The following GALNT11 variants were observed in gnomAD, a reference collection of about 807,000 sequenced individuals.
GALNT11 encodes the protein UDP-GalNAc:polypeptide N-acetylgalactosaminyltransferase 11.
Under a neutral mutation model 72.7 loss-of-function variants are expected in GALNT11, and 47 were observed. The observed-to-expected ratio is 0.65, with a 90% CI of 0.51 to 0.82. The LOEUF is 0.82. Ranked by LOEUF, GALNT11 falls within the 40% of genes least tolerant of loss-of-function variation. GALNT11 has a pLI of 0.00. For missense variants in GALNT11, 677 were observed against 778.4 expected (o/e 0.87, Z 1.55); for synonymous variants, 270 against 286.6 (o/e 0.94, Z 0.58).
intron 4 of GALNT11, 53 bp from the exon 5 acceptor site, chr7:152,105,192 T>C: frequency 6.4e-7 from 1 of 1,557,002 alleles, no homozygotes; most frequent in Non-Finnish European, 8.7e-7. Context: ...AGCTGTAAAG[T>C]GTCTTTATAT....
chr7:152,049,156 T>G (rs1230978631), intron 1 of GALNT11, among the ~76,000 whole-genome samples: 1 of 152,174 alleles, frequency 6.6e-6, no homozygotes, highest in Non-Finnish European at 1.5e-5. Flanking sequence ...GAGGTCATGT[T>G]TTCCGGAATC....
At chr7:152,110,228 AGATTG>A (rs1446792477) in intron 6 of GALNT11, among the ~76,000 whole-genome samples, 1 of 152,148 alleles carries the variant, frequency 6.6e-6, no homozygotes, top group African/African-American at 2.4e-5. Context: ...AGGCTCTGTG[AGATTG>A]TCAGAAGGAA....
chr7:152,026,332 A>T (rs1166423073), intron 1 of GALNT11, among the ~76,000 whole-genome samples: 5 of 152,234 alleles, frequency 3.3e-5, no homozygotes, highest in Admixed American at 6.5e-5. Flanking sequence ...CACTAAGCCA[A>T]AGTCAAGCTG....
intron 1 of GALNT11, among the ~76,000 whole-genome samples, chr7:152,037,348 T>C (rs1372427217): frequency 6.6e-6 from 1 of 152,232 alleles, no homozygotes; most frequent in Non-Finnish European, 1.5e-5. Context: ...TTCTTGGCAC[T>C]TCTGTCAAAA....
At chr7:152,029,219 C>A (rs1005697572) in intron 1 of GALNT11, among the ~76,000 whole-genome samples, 9 of 152,276 alleles carry the variant, frequency 5.9e-5, no homozygotes, top group Non-Finnish European at 1.3e-4. Flanking sequence ...TCATTGCTGC[C>A]AAAGAGTCTA....
At chr7:152,037,297 A>C (rs2082627150) in intron 1 of GALNT11, among the ~76,000 whole-genome samples, 1 of 152,188 alleles carries the variant, frequency 6.6e-6, no homozygotes, top group South Asian at 2.1e-4. Flanking sequence ...GAGTTTTCGC[A>C]GCACCATTTA....
intron 1 of GALNT11, among the ~76,000 whole-genome samples, chr7:152,085,513 A>G (rs750497841): frequency 1.3e-5 from 2 of 152,124 alleles, no homozygotes; most frequent in Non-Finnish European, 2.9e-5. Context: ...GGCCTGGGTA[A>G]TTGCCTTTAG....
At chr7:152,041,488 A>T (rs558368464) in intron 1 of GALNT11, among the ~76,000 whole-genome samples, 54 of 152,226 alleles carry the variant, frequency 3.5e-4, no homozygotes, top group Non-Finnish European at 6.6e-4. Flanking sequence ...CTTGATCCAA[A>T]TAAGGAGTTA....
At chr7:152,031,365 T>G (rs1474965343) in intron 1 of GALNT11, among the ~76,000 whole-genome samples, 1 of 152,228 alleles carries the variant, frequency 6.6e-6, no homozygotes, top group Non-Finnish European at 1.5e-5. Context: ...TTCCCCATCC[T>G]CTGGGAGAAA....
rs551043521 is a variant in GALNT11, at chr7:152,058,159, A to T, written c.-39+32275A>T. ...TAAGTGTGCAATAGCATTATAGCTTAAAAAAAAAGCCCAATGTGCATGCCT... is the reference window on the plus strand; with the variant it reads ...TAAGTGTGCAATAGCATTATAGCTTTAAAAAAAAGCCCAATGTGCATGCCT... On this transcript the variant is annotated intron_variant, in intron 1 of 11. Transcript: ENST00000430044. Among the ~76,000 whole-genome samples the T allele has an allele frequency of 6.0e-5, 9 of 149,782 alleles. No individual in the cohort carries two copies. The East Asian group carries it at 7.7e-4, about 13-fold the overall frequency.
chr7:152,043,693 A>G (rs898255850), intron 1 of GALNT11, among the ~76,000 whole-genome samples: 4 of 152,164 alleles, frequency 2.6e-5, no homozygotes, highest in Non-Finnish European at 4.4e-5. Flanking sequence ...GTCATCTGGA[A>G]AAGAAAGATC....
intron 1 of GALNT11, among the ~76,000 whole-genome samples, chr7:152,085,410 T>C (rs576329308): frequency 2.0e-5 from 3 of 152,340 alleles, no homozygotes; most frequent in Admixed American, 1.3e-4. Context: ...AAGTTTATGA[T>C]TGAAAGAATT....
chr7:152,096,550 C>G (rs2086387961), intron 2 of GALNT11, among the ~76,000 whole-genome samples: 1 of 152,000 alleles, frequency 6.6e-6, no homozygotes, highest in South Asian at 2.1e-4. Context: ...AACCCTATCT[C>G]TACTAAAATA....
chr7:152,053,056 A>G (rs1192828407), intron 1 of GALNT11, among the ~76,000 whole-genome samples: 1 of 152,144 alleles, frequency 6.6e-6, no homozygotes, highest in African/African-American at 2.4e-5. Flanking sequence ...ACAGTTCTAA[A>G]TCATGCTATG....
chr7:152,111,385 A>T (rs2088178823), intron 7 of GALNT11, among the ~76,000 whole-genome samples: 1 of 152,048 alleles, frequency 6.6e-6, no homozygotes, highest in African/African-American at 2.4e-5. Context: ...GAACTCCTGG[A>T]CTCAAGCAAT....
At chr7:152,031,233 T>C (rs942509067) in intron 1 of GALNT11, among the ~76,000 whole-genome samples, 1 of 152,220 alleles carries the variant, frequency 6.6e-6, no homozygotes, top group Non-Finnish European at 1.5e-5. Flanking sequence ...TATCCCATTC[T>C]CCACAAATGA....
chr7:152,061,163 A>T (rs1195525328), intron 1 of GALNT11, among the ~76,000 whole-genome samples: 2 of 152,120 alleles, frequency 1.3e-5, no homozygotes, highest in Non-Finnish European at 2.9e-5. Context: ...AATGATCGCC[A>T]TTCTAATTGG....
At chr7:152,035,153 G>A (rs1372351042) in intron 1 of GALNT11, among the ~76,000 whole-genome samples, 2 of 152,130 alleles carry the variant, frequency 1.3e-5, no homozygotes, top group Non-Finnish European at 2.9e-5. Flanking sequence ...GCTTTTGTTA[G>A]GCCTGCTAGT....
Position 152,094,124 on chromosome 7 carries a change from A to G in GALNT11, c.-38-66A>G. The stretch of plus-strand genomic sequence containing the variant: ...CTACTTGGTGGTTTGGAAAACAGTG[A>G]TTCTGTATTTGGTGGATGGTTTAAA... On this transcript the variant is annotated intron_variant, in intron 1 of 11. Coordinates refer to ENST00000430044, the MANE Select transcript of GALNT11 (RefSeq NM_022087.4). The surrounding 1 kb of genome is among the most constrained non-coding windows in gnomAD (Gnocchi z 4.3). 7.5e-7 allele frequency: 1 copy of G among 1,329,494 alleles called. No individual in the cohort carries two copies. Among genetic ancestry groups the G allele is most frequent in the East Asian group, 2.3e-5 (1 of 42,902 alleles). The allele number at this position is 1,329,494 out of a possible 1,614,324, so 82.4% of individuals were successfully genotyped here. A position where few individuals can be genotyped will look rare whatever the true frequency, so the allele number is the denominator to read the frequency against.
Sources: gnomAD v4.1 joint callset for allele counts (sites outside exome capture counted in the v4.1 genomes callset) on GRCh38, gnomAD v4.1.1 for gene constraint, Gnocchi (gnomAD v3.1) non-coding constraint, MANE v1.5 for transcripts, NCBI Gene and HGNC (gene_info 2026-07-23, HGNC 2026-07-21) for gene names.